Variants in GCLC observed in about 807,000 individuals in gnomAD.
GCLC encodes glutamate-cysteine ligase catalytic subunit.
GCLC carries 30 observed loss-of-function variants against 81.5 expected under a neutral mutation model. The ratio of observed to expected loss-of-function variants is 0.37; its 90% CI spans 0.28 to 0.50. The LOEUF (loss-of-function observed/expected upper bound fraction) is 0.50. Ranked by LOEUF, GCLC falls within the 20% of genes least tolerant of loss-of-function variation. The pLI is 0.96. For missense variants in GCLC, 556 were observed against 777.4 expected (o/e 0.72, Z 3.39); for synonymous variants, 262 against 273.3 (o/e 0.96, Z 0.41).
intron 12 of GCLC, chr6:53,503,051 G>A (rs1179874062): frequency 6.6e-6 from 1 of 152,152 alleles, no homozygotes; most frequent in East Asian, 1.9e-4. Flanking sequence ...CTGAATGTCT[G>A]TGTTCCCTTA....
intron 1 of GCLC, among the ~76,000 whole-genome samples, chr6:53,532,068 A>G (rs1368788646): frequency 6.6e-6 from 1 of 152,234 alleles, no homozygotes; most frequent in African/African-American, 2.4e-5. Context: ...CCTTTAGAGC[A>G]TATGTTTTCT....
chr6:53,536,871 A>C (rs1013452667), intron 1 of GCLC, among the ~76,000 whole-genome samples: 1 of 152,214 alleles, frequency 6.6e-6, no homozygotes, highest in Non-Finnish European at 1.5e-5. Flanking sequence ...TAAGTCTTAA[A>C]AGATTTTTTC....
At chr6:53,533,227 C>T (rs1763201711) in intron 1 of GCLC, among the ~76,000 whole-genome samples, 2 of 152,170 alleles carry the variant, frequency 1.3e-5, no homozygotes, top group African/African-American at 2.4e-5. Flanking sequence ...GGCCTGTCTC[C>T]TTCTAAAAAC....
At chr6:53,514,102 C>T in intron 6 of GCLC, 102 bp downstream of exon 6, 1 of 1,110,258 alleles carries the variant, frequency 9.0e-7, no homozygotes, top group Non-Finnish European at 1.4e-6. Context: ...ATTTCAACCT[C>T]ATTAAAATGT....
At chr6:53,542,699 T>C (rs1487890300) in intron 1 of GCLC, among the ~76,000 whole-genome samples, 1 of 152,064 alleles carries the variant, frequency 6.6e-6, no homozygotes, top group Non-Finnish European at 1.5e-5. Context: ...CCTGTCTTTG[T>C]AGAGAGACCT....
chr6:53,535,450 G>A (rs568407475), intron 1 of GCLC, among the ~76,000 whole-genome samples: 1 of 152,174 alleles, frequency 6.6e-6, no homozygotes, highest in South Asian at 2.1e-4. Flanking sequence ...GAAGGTGGAG[G>A]TTGCACTTAG....
chr6:53,537,447 A>G (rs562507692), intron 1 of GCLC, among the ~76,000 whole-genome samples: 13 of 152,300 alleles, frequency 8.5e-5, no homozygotes, highest in Admixed American at 4.6e-4. Context: ...TTTGTGCTCT[A>G]TATCTTATTT....
chr6:53,506,106 TA>T lies in GCLC; in HGVS notation c.1198-212del, dbSNP rs1764609561. On this transcript the variant is annotated intron_variant, in intron 10 of 15. Transcript: ENST00000650454. This position sits in a 1 kb window ranked among gnomAD's most constrained non-coding sequence, Gnocchi z 4.0. The stretch of plus-strand genomic sequence containing the variant: ...GTGTTTAACAAAAGCTATGAGGCCC[TA>T]TCACTGCAAGCTTAATCTCACCCAG... The T allele has an allele frequency of 3.8e-6, 2 of 524,320 alleles. No homozygotes were observed. The highest frequency in any genetic ancestry group is 7.6e-5 in the East Asian group (2 of 26,458). The allele number at this position is 524,320 out of a possible 1,614,324, so 32.5% of individuals were successfully genotyped here. A position where few individuals can be genotyped will look rare whatever the true frequency, so the allele number is the denominator to read the frequency against.
chr6:53,522,648 T>C lies in GCLC; in HGVS notation c.151-121A>G, dbSNP rs951559771. On this transcript the variant is annotated intron_variant, in intron 1 of 15. Transcript: ENST00000650454. Reference sequence around the variant, plus strand: ...AAGGATCCACAGTAACTCCAGACAGTCACATTTGTTTACAGTACAGCACAT... The same window carrying C: ...AAGGATCCACAGTAACTCCAGACAGCCACATTTGTTTACAGTACAGCACAT... 9 of 687,124 alleles carry C rather than the reference T, an allele frequency of 1.3e-5. No individual in the cohort carries two copies. In the African/African-American group the frequency reaches 1.4e-4, roughly 11 times the overall value. 42.6% of individuals were successfully genotyped at this position (687,124 alleles called of 1,614,324 possible).
Position 53,498,760 on chromosome 6 carries a change from T to C in GCLC, c.1910A>G (p.Asn637Ser). 1 of 1,590,172 alleles carries C rather than the reference T, an allele frequency of 6.3e-7. No homozygotes were observed. The highest frequency in any genetic ancestry group is 8.6e-7 in the Non-Finnish European group (1 of 1,159,126). Residue 637 changes from asparagine (N) to serine (S), a missense_variant, in exon 16 of 16, where the codon AAC becomes AGC. Around this residue, in one of 3 missense-constraint regions of GCLC, gnomAD observed 313 missense variants for 437.3 expected, o/e 0.72. Coordinates refer to ENST00000650454, the MANE Select transcript of GCLC (RefSeq NM_001498.4). ...ATTTTTCTTTCTGTAGAATGTCTAG[T>C]TGGATGAGTCAGTTTTACTTCCACT... Reference protein sequence around the residue: ...KYSGSKTDSSN With the variant: ...KYSGSKTDSSS
intron 3 of GCLC, among the ~76,000 whole-genome samples, chr6:53,517,255 T>TG (rs1174940977): frequency 2.2e-5 from 2 of 89,302 alleles, no homozygotes; most frequent in East Asian, 6.9e-4. Context: ...CCAAGTTTTT[T>TG]TTTTTTTTTT....
In GCLC at chr6:53,505,718, C is replaced by G. The variant is rs1461762841; in HGVS notation, c.1290+85G>C. 5 of 854,734 alleles carry G rather than the reference C, an allele frequency of 5.8e-6. No individual in the cohort carries two copies. In the Admixed American group the frequency reaches 6.8e-5, roughly 12 times the overall value. The allele number at this position is 854,734 out of a possible 1,614,324, so 52.9% of individuals were successfully genotyped here. On this transcript the variant is annotated intron_variant, in intron 11 of 15. Transcript: ENST00000650454. ...TTAATTTTTATTTTATATATAAGAG[C>G]CTTCTCATAGCAGCATCAGAAGGGT...
chr6:53,540,163 A>G (rs755977960), intron 1 of GCLC, among the ~76,000 whole-genome samples: 6 of 152,194 alleles, frequency 3.9e-5, no homozygotes, highest in African/African-American at 7.2e-5. Context: ...ACCCTATTCC[A>G]TTTAATATTT....
In GCLC at chr6:53,507,554, G is replaced by T; in HGVS notation, c.1010C>A (p.Ser337Tyr). ...GTCATTATATTTCTCACCACACTTAGATAAATAGCTGTCTATTGAGTCATA... is the reference window on the plus strand; with the variant it reads ...GTCATTATATTTCTCACCACACTTATATAAATAGCTGTCTATTGAGTCATA... ...SRYDSIDSYL[S>Y]KCGEKYNDID... Residue 337 changes from serine to tyrosine, a missense_variant, in exon 9 of 16, where the codon TCT becomes TAT. Ser to Tyr is a moderately radical substitution (Grantham distance 144, BLOSUM62 -2). This residue lies in a region of GCLC where 313 missense variants were observed against 437.3 expected (regional missense o/e 0.72). Coordinates refer to ENST00000650454, the MANE Select transcript of GCLC (RefSeq NM_001498.4). 1 of 1,588,708 alleles carries T rather than the reference G, an allele frequency of 6.3e-7. No individual in the cohort carries two copies. Among genetic ancestry groups the T allele is most frequent in the Non-Finnish European group, 8.6e-7 (1 of 1,157,172 alleles).
rs1581745488 is a variant in GCLC at position 53,529,845 on chromosome 6, T to C, written c.151-7318A>G. Reference sequence around the variant, plus strand: ...GAATCATGGAGAATTTCTGCAGCGGTTCCCTCTAGGTGCAGGAGAGTTTAG... The same window carrying C: ...GAATCATGGAGAATTTCTGCAGCGGCTCCCTCTAGGTGCAGGAGAGTTTAG... On this transcript the variant is annotated intron_variant, in intron 1 of 15. Coordinates refer to ENST00000650454, the MANE Select transcript of GCLC (RefSeq NM_001498.4). Among the ~76,000 whole-genome samples the C allele has an allele frequency of 7.2e-5, 11 of 152,356 alleles. 1 individual carries two copies. In the South Asian group the frequency reaches 2.3e-3, roughly 32 times the overall value.
intron 1 of GCLC, among the ~76,000 whole-genome samples, chr6:53,526,541 G>A (rs1192581617): frequency 6.6e-6 from 1 of 152,150 alleles, no homozygotes; most frequent in African/African-American, 2.4e-5. Context: ...GCTCATGCCT[G>A]TAATCCCAGC....
At chr6:53,537,381 G>A (rs370948581) in intron 1 of GCLC, among the ~76,000 whole-genome samples, 2 of 152,212 alleles carry the variant, frequency 1.3e-5, no homozygotes, top group Admixed American at 6.5e-5. Context: ...TACAGAATAC[G>A]CTATGACCTA....
At chr6:53,529,606 G>C (rs1165816175) in intron 1 of GCLC, among the ~76,000 whole-genome samples, 2 of 152,202 alleles carry the variant, frequency 1.3e-5, no homozygotes, top group African/African-American at 4.8e-5. Flanking sequence ...AGTATGAATA[G>C]TCCTTATTTA....
In GCLC at chr6:53,498,684, C is replaced by T. The variant is rs1316617358; in HGVS notation, c.*72G>A. The T allele has an allele frequency of 6.7e-6, 6 of 897,526 alleles. No individual in the cohort carries two copies. Among genetic ancestry groups the T allele is most frequent in the Non-Finnish European group, 1.1e-5 (6 of 559,334 alleles). 55.6% of individuals were successfully genotyped at this position (897,526 alleles called of 1,614,324 possible). On this transcript the variant is annotated 3_prime_UTR_variant, in exon 16 of 16. Transcript: ENST00000650454. The stretch of plus-strand genomic sequence containing the variant: ...TCTATCATTTGGTCTTCATATTATA[C>T]ACACGGGCTGGCTGAGAGGCATGGT...
Sources: gnomAD v4.1 joint callset for allele counts (sites outside exome capture counted in the v4.1 genomes callset) on GRCh38, gnomAD v4.1.1 for gene constraint, gnomAD v4.1.1 regional missense constraint, Gnocchi (gnomAD v3.1) non-coding constraint, MANE v1.5 for transcripts, NCBI Gene and HGNC (gene_info 2026-07-23, HGNC 2026-07-21) for gene names.